The following RBCK1 variants were observed in gnomAD, a reference collection of about 807,000 sequenced individuals.
RBCK1 encodes RANBP2-type and C3HC4-type zinc finger containing 1.
In RBCK1, 44 loss-of-function variants were observed where a neutral mutation model predicts 71.1. The observed-to-expected ratio is 0.62, with a 90% CI of 0.49 to 0.80. The LOEUF is 0.80. Ranked by LOEUF, RBCK1 falls within the 30% of genes least tolerant of loss-of-function variation. The pLI is 0.00. For missense variants in RBCK1, 569 were observed against 685.0 expected, an observed-to-expected ratio of 0.83 and a Z score of 1.89; for synonymous variants, 306 against 279.7, an observed-to-expected ratio of 1.09 and a Z score of -0.94.
In RBCK1 at chr20:410,014, G is replaced by A. The variant is rs568956631; in HGVS notation, c.156G>A (p.Thr52=). ...SVQLKPEVSP[T]QDIRLWVSVE... ...AACTGAAGCCTGAGGTCTCCCCAAC[G>A]CAGGACATCAGGTGAGGAGTGCATG... The change falls in exon 2 of 12, where the codon ACG becomes ACA. Residue 52 remains threonine, a synonymous_variant. Coordinates refer to ENST00000356286, the MANE Select transcript of RBCK1 (RefSeq NM_031229.4). 65 of 1,613,940 alleles carry A rather than the reference G, an allele frequency of 4.0e-5. No individual in the cohort carries two copies. Among genetic ancestry groups the A allele is most frequent in the South Asian group, 9.9e-5 (9 of 91,074 alleles).
In RBCK1 at chr20:420,867, C is replaced by T; in HGVS notation, c.757-4C>T. 6.5e-7 allele frequency: 1 copy of T among 1,549,532 alleles called. No homozygotes were observed. On this transcript the variant is annotated splice_region_variant and splice_polypyrimidine_tract_variant and intron_variant, in intron 6 of 11. Transcript: ENST00000356286. The stretch of plus-strand genomic sequence containing the variant: ...CGCCCCGTGGCCCCGCCCCGTGTGC[C>T]CAGCGGAAGCAGCAGCAGCAGGAGG...
intron 2 of RBCK1, among the ~76,000 whole-genome samples, chr20:416,829 T>G (rs745894381): frequency 1.3e-5 from 2 of 152,152 alleles, no homozygotes; most frequent in Non-Finnish European, 2.9e-5. Flanking sequence ...AGACCCTGTC[T>G]CTACAAAAAC....
At chr20:421,266 G>A (rs2016420822) in intron 7 of RBCK1, among the ~76,000 whole-genome samples, 1 of 152,148 alleles carries the variant, frequency 6.6e-6, no homozygotes, top group South Asian at 2.1e-4. Context: ...GAGCGCAGGC[G>A]TGGGGGGAGA....
intron 6 of RBCK1, chr20:420,006 C>T: frequency 2.0e-6 from 2 of 985,136 alleles, no homozygotes; most frequent in South Asian, 9.4e-5. Context: ...GCTCCATCCC[C>T]AGCTTTGACA....
chr20:419,312 G>T (rs1187340983), intron 4 of RBCK1, 35 bp from the exon 5 acceptor site: 2 of 1,610,744 alleles, frequency 1.2e-6, no homozygotes, highest in East Asian at 2.2e-5. Context: ...CAAGTGGGCC[G>T]CGTGGAACCA....
At chr20:423,090 G>A (rs1364718648) in intron 8 of RBCK1, among the ~76,000 whole-genome samples, 6 of 152,138 alleles carry the variant, frequency 3.9e-5, no homozygotes, top group Non-Finnish European at 5.9e-5. Context: ...ACCTGAGGTC[G>A]GGAATTCGAG....
At chr20:420,771 C>T in intron 6 of RBCK1, 100 bp from the exon 7 acceptor site, 2 of 834,474 alleles carry the variant, frequency 2.4e-6, no homozygotes, top group Non-Finnish European at 3.3e-6. Context: ...TGTGGCTGGT[C>T]TGACCCAGCC....
intron 8 of RBCK1, among the ~76,000 whole-genome samples, chr20:426,055 T>G (rs1446257180): frequency 6.6e-6 from 1 of 152,242 alleles, no homozygotes; most frequent in Non-Finnish European, 1.5e-5. Flanking sequence ...ACTAGCTTAC[T>G]AGTTTGTTTA....
At position 417,264 on chromosome 20, in the gene RBCK1, T is replaced by A; in HGVS notation, c.168-262T>A. The A allele has an allele frequency of 1.5e-6, 1 of 667,876 alleles. No homozygotes were observed. The highest frequency in any genetic ancestry group is 2.9e-6 in the Non-Finnish European group (1 of 349,786). 41.4% of individuals were successfully genotyped at this position (667,876 alleles called of 1,614,324 possible). A position where few individuals can be genotyped will look rare whatever the true frequency, so the allele number is the denominator to read the frequency against. On this transcript the variant is annotated intron_variant, in intron 2 of 11. Coordinates refer to ENST00000356286, the MANE Select transcript of RBCK1 (RefSeq NM_031229.4). This position sits in a 1 kb window ranked among gnomAD's most constrained non-coding sequence, Gnocchi z 4.7. Reference sequence around the variant, plus strand: ...GAAGAGGTTGGAGAGGTCAGGGAGGTGCCAGATCATGGAGGCCCTCGTGTG... The same window carrying A: ...GAAGAGGTTGGAGAGGTCAGGGAGGAGCCAGATCATGGAGGCCCTCGTGTG...
intron 6 of RBCK1, chr20:420,356 A>C (rs1600295158): frequency 1.0e-6 from 1 of 977,178 alleles, no homozygotes; most frequent in Non-Finnish European, 1.2e-6. Flanking sequence ...TTCTGATCTC[A>C]CCCCTGGCCC....
In RBCK1 at chr20:422,327, C is replaced by A; in HGVS notation, c.1029+89C>A. 2.3e-6 allele frequency: 2 copies of A among 879,552 alleles called. No individual in the cohort carries two copies. Among genetic ancestry groups the A allele is most frequent in the Non-Finnish European group, 1.7e-6 (1 of 583,250 alleles). 54.5% of individuals were successfully genotyped at this position (879,552 alleles called of 1,614,324 possible). ...GGCAGCAGACATCTTTCTTTTCTTT[C>A]TTTTTTTTTTTTGGAGATGGGGTCT... On this transcript the variant is annotated intron_variant, in intron 8 of 11. Coordinates refer to ENST00000356286, the MANE Select transcript of RBCK1 (RefSeq NM_031229.4). The surrounding 1 kb of genome is among the most constrained non-coding windows in gnomAD (Gnocchi z 5.0).
intron 2 of RBCK1, among the ~76,000 whole-genome samples, chr20:412,601 G>A (rs746380962): frequency 3.5e-4 from 54 of 152,212 alleles, no homozygotes; most frequent in Non-Finnish European, 6.5e-4. Flanking sequence ...TTACAGGCAT[G>A]AGCCACTGCA....
At chr20:418,010 G>T (rs921229089) in intron 4 of RBCK1, 80 bp downstream of exon 4, 1 of 1,422,522 alleles carries the variant, frequency 7.0e-7, no homozygotes, top group African/African-American at 1.4e-5. Flanking sequence ...CAGGGGCAGA[G>T]CCCCTGGGTT....
chr20:416,443 CTT>C (rs2015999390), intron 2 of RBCK1, among the ~76,000 whole-genome samples: 1 of 152,126 alleles, frequency 6.6e-6, no homozygotes, highest in Non-Finnish European at 1.5e-5. Context: ...TCAGCAGTCA[CTT>C]TTAATGTGCA....
intron 8 of RBCK1, among the ~76,000 whole-genome samples, chr20:426,672 A>AT (rs1367833168): frequency 2.6e-5 from 4 of 152,088 alleles, no homozygotes; most frequent in African/African-American, 9.7e-5. Flanking sequence ...TAGACATAAC[A>AT]TTTACCATTT....
chr20:425,395 T>C (rs1600307627), intron 8 of RBCK1, among the ~76,000 whole-genome samples: 2 of 152,338 alleles, frequency 1.3e-5, no homozygotes, highest in East Asian at 3.9e-4. Context: ...GTCAGGTAAA[T>C]TTTAACAAAT....
intron 6 of RBCK1, chr20:420,253 A>AC: frequency 1.0e-6 from 1 of 983,738 alleles, no homozygotes; most frequent in East Asian, 1.1e-4. Flanking sequence ...TAGGGGGATG[A>AC]CCCCCGACCC....
rs759462242 is a variant in RBCK1, at chr20:409,861, C to T, written c.23-20C>T. The T allele has an allele frequency of 1.2e-6, 2 of 1,609,812 alleles. No homozygotes were observed. The highest frequency in any genetic ancestry group is 1.7e-6 in the Non-Finnish European group (2 of 1,177,444). ...AAAATAAACCCTGTGCTAACTGGCT[C>T]CTGCTGTACTGGCTTTCAGCAGAGG... On this transcript the variant is annotated intron_variant, in intron 1 of 11. Coordinates refer to ENST00000356286, the MANE Select transcript of RBCK1 (RefSeq NM_031229.4).
Position 412,033 on chromosome 20 carries a change from A to G in RBCK1, c.167+2008A>G, listed in dbSNP as rs146277718. On this transcript the variant is annotated intron_variant, in intron 2 of 11. Transcript: ENST00000356286. ...AATTGCTGGGTCATACAGTAACTCT[A>G]TGTTACTTTTTGAAGAAATGCCAGA... 3.3e-5 allele frequency among the ~76,000 whole-genome samples: 5 copies of G among 152,282 alleles called. No individual in the cohort carries two copies. In the East Asian group the frequency reaches 9.6e-4, roughly 29 times the overall value.
Sources: gnomAD v4.1 joint callset for allele counts (sites outside exome capture counted in the v4.1 genomes callset) on GRCh38, gnomAD v4.1.1 for gene constraint, Gnocchi (gnomAD v3.1) non-coding constraint, MANE v1.5 for transcripts, NCBI Gene and HGNC (gene_info 2026-07-23, HGNC 2026-07-21) for gene names.